EML3: variants seen among roughly 807,000 people sequenced by gnomAD.
EML3 encodes the protein echinoderm microtubule-associated protein-like 3.
In EML3, 53 loss-of-function variants were observed where a neutral mutation model predicts 106.7. The ratio of observed to expected loss-of-function variants is 0.50; its 90% confidence interval spans 0.40 to 0.62. The LOEUF (loss-of-function observed/expected upper bound fraction) is 0.62, where lower values mean the gene tolerates loss of function less well. Ranked by LOEUF, EML3 falls within the 20% of genes least tolerant of loss-of-function variation. The probability of loss-of-function intolerance (pLI) is 0.00; values close to 1 mark genes in which losing one functional copy is unlikely to be tolerated. For synonymous variants in EML3, 499 were observed against 489.6 expected (o/e 1.02, Z -0.25); for missense variants, 994 against 1,209.1 (o/e 0.82, Z 2.64).
chr11:62,602,722 C>A lies in EML3; in HGVS notation c.2487+37G>T, dbSNP rs771432484. 27 of 1,602,598 alleles carry A rather than the reference C, an allele frequency of 1.7e-5. No homozygotes were observed. In the African/African-American group the frequency reaches 2.3e-4, roughly 14 times the overall value. ...TTGCGGTGGCGGCTGAGCCCTCGGG[C>A]CCACCGGTCCCACCCCGGCGATCCC... On this transcript the variant is annotated intron_variant, in intron 21 of 21. Transcript: ENST00000394773.
In EML3 at chr11:62,606,985, T is replaced by C; in HGVS notation, c.1477A>G (p.Lys493Glu). Residue 493 changes from lysine to glutamate, a missense_variant, in exon 12 of 22, where the codon AAG (lysine) becomes GAG (glutamate). Lys to Glu is a moderately conservative substitution (Grantham distance 56, BLOSUM62 1). This residue lies in a region of EML3 where 713 missense variants were observed against 920.5 expected (regional missense o/e 0.77). Coordinates refer to ENST00000394773, the MANE Select transcript of EML3 (RefSeq NM_153265.3). ...LTWGRSPSDS[K>E]TPGRGGAKET... is the part of the protein sequence containing the mutation. ...TTGGCGCCACCCCTGCCTGGGGTCTTGGAATCTGAAGGGCTCCGCCCCCAG... is the reference window on the plus strand; with the variant it reads ...TTGGCGCCACCCCTGCCTGGGGTCTCGGAATCTGAAGGGCTCCGCCCCCAG... 1 of 1,613,992 alleles carries C rather than the reference T, an allele frequency of 6.2e-7. No individual in the cohort carries two copies. Among genetic ancestry groups the C allele is most frequent in the Non-Finnish European group, 8.5e-7 (1 of 1,179,928 alleles).
rs751856890 is a variant in EML3, at chr11:62,606,077, G to A, written c.1642C>T (p.Leu548Phe). The A allele has an allele frequency of 3.1e-6, 5 of 1,613,990 alleles. No homozygotes were observed. The East Asian group carries it at 8.9e-5, about 29-fold the overall frequency. Reference protein sequence around the residue: ...LVQWGPGLVALQEAEIPEHFG... With the variant: ...LVQWGPGLVAFQEAEIPEHFG... ...CCAGCCCTCACCTCAGCCTCCTGGA[G>A]GGCCACCAACCCGGGCCCCCACTGT... The change falls in exon 13 of 22, where the codon CTC becomes TTC. Residue 548 changes from leucine to phenylalanine, a missense_variant. This residue lies in a region of EML3 where 713 missense variants were observed against 920.5 expected (regional missense o/e 0.77). Transcript: ENST00000394773.
chr11:62,612,760 G>T lies in EML3; in HGVS notation c.-303C>A. ...CGCAGCACAAACAGGCGCCGGACGC[G>T]GAGCCGCCAGGAAGCGCGGGAGGGG... On this transcript the variant is annotated 5_prime_UTR_variant, in exon 1 of 22. Transcript: ENST00000394773. 1 of 332,326 alleles carries T rather than the reference G, an allele frequency of 3.0e-6. No homozygotes were observed. Among genetic ancestry groups the T allele is most frequent in the Non-Finnish European group, 5.4e-6 (1 of 184,776 alleles). 20.6% of individuals were successfully genotyped at this position (332,326 alleles called of 1,614,324 possible).
chr11:62,611,168 C>G lies in EML3; in HGVS notation c.371G>C (p.Gly124Ala). The G allele has an allele frequency of 6.2e-7, 1 of 1,604,982 alleles. No individual in the cohort carries two copies. Among genetic ancestry groups the G allele is most frequent in the Non-Finnish European group, 8.5e-7 (1 of 1,178,922 alleles). Residue 124 changes from glycine to alanine, a missense_variant, in exon 3 of 22, where the codon GGG becomes GCG. By Grantham distance (60) the Gly-to-Ala change is moderately conservative. Transcript: ENST00000394773. The part of the protein sequence containing the change: ...EEPSGTQSEG[G>A]GSSSSGAGSP... ...GCCAGCACCACTGCTGCTGCTGCCC[C>G]CTCCTTCAGATTGGGTCCCGCTAGG...
Position 62,605,243 on chromosome 11 carries a change from C to T in EML3, c.1915-63G>A. The T allele has an allele frequency of 1.3e-6, 2 of 1,536,208 alleles. No individual in the cohort carries two copies. The highest frequency in any genetic ancestry group is 1.8e-6 in the Non-Finnish European group (2 of 1,126,892). On this transcript the variant is annotated intron_variant, in intron 15 of 21. Coordinates refer to ENST00000394773, the MANE Select transcript of EML3 (RefSeq NM_153265.3). The surrounding 1 kb of genome is among the most constrained non-coding windows in gnomAD (Gnocchi z 5.2). ...TTCTAGTGAGGGAACCAGAGTGAAC[C>T]CCTTGTCCTCCTAACTTCAAAGCCA...
chr11:62,606,152 GGAGACACAAGGCGAA>G lies in EML3; in HGVS notation c.1552_1566del (p.Phe518_Leu522del). On this transcript the variant is annotated inframe_deletion, in exon 13 of 22. Coordinates refer to ENST00000394773, the MANE Select transcript of EML3 (RefSeq NM_153265.3). Reference sequence around the variant, plus strand: ...CCACTCAGCACTGTCCCGTCCCTCCGGAGACACAAGGCGAAGATAGAACCTTCATGAGCGTGAGCC... The same window carrying G: ...CCACTCAGCACTGTCCCGTCCCTCCGGATAGAACCTTCATGAGCGTGAGCC... 2 of 1,614,100 alleles carry G rather than the reference GGAGACACAAGGCGAA, an allele frequency of 1.2e-6. No homozygotes were observed. Among genetic ancestry groups the G allele is most frequent in the Non-Finnish European group, 1.7e-6 (2 of 1,180,048 alleles).
At chr11:62,606,304 TC>T in intron 12 of EML3, 90 bp from the exon 13 acceptor site, 1 of 1,447,668 alleles carries the variant, frequency 6.9e-7, no homozygotes, top group Non-Finnish European at 9.4e-7. Flanking sequence ...CAGTAAGAAC[TC>T]CCAGCCATTG....
At position 62,611,359 on chromosome 11, in the gene EML3, T is replaced by C. The variant is rs761409500; in HGVS notation, c.195-15A>G. ...GGGCTGCAAGACTGCTGGAGAGATG[T>C]TGAATTAACCTGAAGCCCCAGAGGC... On this transcript the variant is annotated splice_polypyrimidine_tract_variant and intron_variant, in intron 2 of 21. Coordinates refer to ENST00000394773, the MANE Select transcript of EML3 (RefSeq NM_153265.3). 3.7e-5 allele frequency: 59 copies of C among 1,613,130 alleles called. No individual in the cohort carries two copies. The highest frequency in any genetic ancestry group is 1.1e-4 in the East Asian group (5 of 44,860).
rs932233491 is a variant in EML3 at position 62,612,526 on chromosome 11, G to A, written c.-69C>T. On this transcript the variant is annotated 5_prime_UTR_variant, in exon 1 of 22. Coordinates refer to ENST00000394773, the MANE Select transcript of EML3 (RefSeq NM_153265.3). ...CTAAGCCGCGGGGGCCACGGCCGGG[G>A]AGAGGGGAAGGGGAAGCACCCCGGG... The A allele has an allele frequency of 2.4e-5, 32 of 1,330,162 alleles. No individual in the cohort carries two copies. Among genetic ancestry groups the A allele is most frequent in the Admixed American group, 4.1e-5 (1 of 24,184 alleles). The allele number at this position is 1,330,162 out of a possible 1,614,324, so 82.4% of individuals were successfully genotyped here.
In EML3 at chr11:62,612,451, C is replaced by T. The variant is rs1024222583; in HGVS notation, c.7G>A (p.Gly3Arg). The T allele has an allele frequency of 8.2e-6, 12 of 1,462,756 alleles. No individual in the cohort carries two copies. The highest frequency in any genetic ancestry group is 9.9e-6 in the Non-Finnish European group (11 of 1,115,744). 90.6% of individuals were successfully genotyped at this position (1,462,756 alleles called of 1,614,324 possible). A position where few individuals can be genotyped will look rare whatever the true frequency, so the allele number is the denominator to read the frequency against. Residue 3 changes from glycine to arginine, a missense_variant, in exon 1 of 22, where the codon GGG (glycine) becomes AGG (arginine). Around this residue, in one of 3 missense-constraint regions of EML3, gnomAD observed 12 missense variants for 23.5 expected, o/e 0.51. Transcript: ENST00000394773. ...CCGTACTCACCGGGCCCCGCGGCCC[C>T]GTCCATCCGGCCCCCGGGTTGCTCC... MD[G>R]AAGPGDGPAR...
intron 4 of EML3, 25 bp downstream of exon 4, chr11:62,610,854 T>C: frequency 1.3e-6 from 2 of 1,514,848 alleles, no homozygotes; most frequent in Non-Finnish European, 8.8e-7. Context: ...TGGGGCGGGG[T>C]GGGTTGAGGG....
rs1459824834 is a variant in EML3, at chr11:62,609,663, C to T, written c.600G>A (p.Gly200=). The change falls in exon 5 of 22, where the codon GGG becomes GGA. Residue 200 remains glycine (G), a synonymous_variant. Coordinates refer to ENST00000394773, the MANE Select transcript of EML3 (RefSeq NM_153265.3). ...RGGKDPLSSP[G]GPGSRRSNYN... The stretch of plus-strand genomic sequence containing the variant: ...AATTGCTCCTCCGAGATCCAGGGCC[C>T]CCAGGGCTGGAGAGGGGGTCTTTTC... 6.2e-7 allele frequency: 1 copy of T among 1,608,188 alleles called. No individual in the cohort carries two copies. The highest frequency in any genetic ancestry group is 1.3e-5 in the African/African-American group (1 of 74,604).
intron 11 of EML3, 141 bp from the exon 12 acceptor site, chr11:62,607,240 G>C (rs552219997): frequency 9.9e-7 from 1 of 1,005,062 alleles, no homozygotes; most frequent in Admixed American, 2.5e-5. Flanking sequence ...CTGAGGCCAG[G>C]AGTTTGTGAC....
rs768995904 is a variant in EML3 at position 62,607,803 on chromosome 11, G to A, written c.1225C>T (p.Leu409=). The A allele has an allele frequency of 6.2e-7, 1 of 1,613,910 alleles. No homozygotes were observed. The highest frequency in any genetic ancestry group is 1.7e-4 in the Middle Eastern group (1 of 6,060). Residue 409 remains leucine (L), a synonymous_variant, in exon 11 of 22, where the codon CTG becomes TTG. Coordinates refer to ENST00000394773, the MANE Select transcript of EML3 (RefSeq NM_153265.3). ...TCACGAGGGTTGAAGCCAACGGCCA[G>A]GACTGAGTCATTTGTACTCTGAAGG... The part of the protein sequence containing the change: ...AEIKSTNDSV[L]AVGFNPRDSS...
At chr11:62,606,767 G>A (rs972856568) in intron 12 of EML3, among the ~76,000 whole-genome samples, 191 bp downstream of exon 12, 3 of 151,824 alleles carry the variant, frequency 2.0e-5, no homozygotes, top group African/African-American at 7.3e-5. Flanking sequence ...TGAGGAAGGA[G>A]GATCACTTGA....
At chr11:62,607,249 AC>A in intron 11 of EML3, 150 bp from the exon 12 acceptor site, 1 of 881,904 alleles carries the variant, frequency 1.1e-6, no homozygotes, top group Non-Finnish European at 1.7e-6. Flanking sequence ...GGAGTTTGTG[AC>A]CAGCCTGGCC....
rs914718858 is a variant in EML3, at chr11:62,610,366, G to A, written c.566+513C>T. Among the ~76,000 whole-genome samples the A allele has an allele frequency of 4.6e-5, 7 of 152,278 alleles. No individual in the cohort carries two copies. The South Asian group carries it at 1.2e-3, about 27-fold the overall frequency. On this transcript the variant is annotated intron_variant, in intron 4 of 21. Coordinates refer to ENST00000394773, the MANE Select transcript of EML3 (RefSeq NM_153265.3). ...TACATACTCTGAGGCAACTACATCC[G>A]GCCACTAGGATGTCCTCTTGCCCTC...
At chr11:62,609,809 C>G in intron 4 of EML3, 113 bp from the exon 5 acceptor site, 1 of 907,620 alleles carries the variant, frequency 1.1e-6, no homozygotes, top group Non-Finnish European at 1.7e-6. Flanking sequence ...CTTCTGCAAG[C>G]CTGTAGTTTG....
At position 62,609,672 on chromosome 11, in the gene EML3, G is replaced by A. The variant is rs563705722; in HGVS notation, c.591C>T (p.Ser197=). ...TCCGAGATCCAGGGCCCCCAGGGCT[G>A]GAGAGGGGGTCTTTTCCCCCACGGC... is the stretch of plus-strand genomic sequence containing the variant. ...TESRGGKDPL[S]SPGGPGSRRS... Residue 197 remains serine, a synonymous_variant, in exon 5 of 22, where the codon TCC becomes TCT. Transcript: ENST00000394773. 6.2e-7 allele frequency: 1 copy of A among 1,606,882 alleles called. No individual in the cohort carries two copies. The highest frequency in any genetic ancestry group is 8.5e-7 in the Non-Finnish European group (1 of 1,176,724).
Sources: allele counts gnomAD v4.1 joint callset (sites outside exome capture counted in the v4.1 genomes callset), GRCh38; gene constraint gnomAD v4.1.1; regional missense constraint gnomAD v4.1.1; non-coding constraint Gnocchi (gnomAD v3.1); transcripts MANE v1.5; gene names NCBI Gene and HGNC (gene_info 2026-07-23, HGNC 2026-07-21).